The following ABCB1 variants were observed in gnomAD, a reference collection of about 807,000 sequenced individuals.
The protein encoded by ABCB1 is ATP binding cassette subfamily B member 1.
ABCB1 carries 69 observed loss-of-function variants against 142.0 expected under a neutral mutation model. That is an observed-to-expected ratio of 0.49 (90% CI 0.40 to 0.59). The LOEUF (loss-of-function observed/expected upper bound fraction) is 0.59, where lower values mean the gene tolerates loss of function less well. Among genes scored for constraint, ABCB1 ranks in the 20% least tolerant of loss-of-function variants. The pLI is 0.00. For synonymous variants in ABCB1, 532 were observed against 539.2 expected (o/e 0.99, Z 0.18); for missense variants, 1,326 against 1,554.7 (o/e 0.85, Z 2.47).
Position 87,566,253 on chromosome 7 carries a change from G to A in ABCB1, c.531-12C>T. ...TCTTGGAGACATCACTGAAAGAACA[G>A]ATAGTGTTAGAAATAATTGTCAGAA... On this transcript the variant is annotated splice_polypyrimidine_tract_variant and intron_variant, in intron 6 of 27. Transcript: ENST00000622132. 1 of 1,612,594 alleles carries A rather than the reference G, an allele frequency of 6.2e-7. No individual in the cohort carries two copies. Among genetic ancestry groups the A allele is most frequent in the Non-Finnish European group, 8.5e-7 (1 of 1,178,678 alleles).
intron 1 of ABCB1, among the ~76,000 whole-genome samples, chr7:87,673,407 T>C (rs187933433): frequency 1.3e-5 from 2 of 152,338 alleles, no homozygotes; most frequent in East Asian, 3.9e-4. Context: ...TCAGAGGTTT[T>C]GTTTATTCCT....
chr7:87,559,043 A>G (rs916928691), intron 8 of ABCB1, among the ~76,000 whole-genome samples: 2 of 151,946 alleles, frequency 1.3e-5, no homozygotes, highest in East Asian at 1.9e-4. Context: ...CCTTTCTCAT[A>G]TTATATCTGC....
In ABCB1 at chr7:87,521,488, C is replaced by T. The variant is rs1815506679; in HGVS notation, c.2686-612G>A. ...GTCTAAGTCAGAGTCTCCTAATGAG[C>T]CCAAACAGCTGAGGAAATTCTTCAT... On this transcript the variant is annotated intron_variant, in intron 21 of 27. Transcript: ENST00000622132. The T allele has an allele frequency of 4.0e-6, 3 of 743,738 alleles. No individual in the cohort carries two copies. In the Admixed American group the frequency reaches 5.3e-5, roughly 13 times the overall value. The allele number at this position is 743,738 out of a possible 1,614,324, so 46.1% of individuals were successfully genotyped here. A position where few individuals can be genotyped will look rare whatever the true frequency, so the allele number is the denominator to read the frequency against.
At position 87,641,095 on chromosome 7, in the gene ABCB1, T is replaced by G. The variant is rs529690365; in HGVS notation, c.-330-40017A>C. On this transcript the variant is annotated intron_variant, in intron 1 of 28. Transcript: ENST00000265724. ...ATCTTTTGTCACATCTAGAATGTTA[T>G]TGAATGCCACACAATGTTTATTAAG... Among the ~76,000 whole-genome samples the G allele has an allele frequency of 2.0e-5, 3 of 152,338 alleles. No homozygotes were observed. In the South Asian group the frequency reaches 6.2e-4, roughly 32 times the overall value.
At chr7:87,654,706 C>T (rs1280170151) in intron 1 of ABCB1, among the ~76,000 whole-genome samples, 1 of 151,898 alleles carries the variant, frequency 6.6e-6, no homozygotes. Context: ...GCACAGGCAA[C>T]TAAAGGAAAA....
chr7:87,692,773 T>G (rs1050792626), intron 1 of ABCB1, among the ~76,000 whole-genome samples: 3 of 152,250 alleles, frequency 2.0e-5, no homozygotes, highest in African/African-American at 7.2e-5. Flanking sequence ...TTACATTCAA[T>G]GTTGAGAAAT....
chr7:87,711,446 C>T (rs533668967), intron 1 of ABCB1, among the ~76,000 whole-genome samples: 30 of 152,080 alleles, frequency 2.0e-4, no homozygotes, highest in Admixed American at 5.9e-4. Context: ...ATAAAGATGA[C>T]ATCCTGTGCC....
chr7:87,633,779 A>G (rs140163338), intron 1 of ABCB1, among the ~76,000 whole-genome samples: 12 of 152,244 alleles, frequency 7.9e-5, no homozygotes, highest in African/African-American at 2.2e-4. Flanking sequence ...TGTCTAGTCT[A>G]TGCTTGAACT....
At chr7:87,542,172 C>T (rs1816568383) in intron 17 of ABCB1, among the ~76,000 whole-genome samples, 1 of 152,012 alleles carries the variant, frequency 6.6e-6, no homozygotes, top group Non-Finnish European at 1.5e-5. Flanking sequence ...CAACTTTATC[C>T]TTCATAAAAA....
chr7:87,710,541 T>A (rs1305732104), intron 1 of ABCB1: 3 of 1,357,540 alleles, frequency 2.2e-6, no homozygotes, highest in Non-Finnish European at 2.0e-6. Flanking sequence ...TAATTTTTTT[T>A]ATATTTGATT....
intron 3 of ABCB1, among the ~76,000 whole-genome samples, chr7:87,588,619 T>A (rs749428164): frequency 3.3e-5 from 5 of 152,244 alleles, no homozygotes; most frequent in Non-Finnish European, 7.3e-5. Flanking sequence ...TCTTTGCTAT[T>A]GTGAATAGTG....
chr7:87,618,269 C>A (rs1260299699), intron 1 of ABCB1, among the ~76,000 whole-genome samples: 1 of 152,106 alleles, frequency 6.6e-6, no homozygotes, highest in Non-Finnish European at 1.5e-5. Context: ...GGTTTTGATA[C>A]CTCTCTCTCC....
chr7:87,585,479 T>G (rs1490796329), intron 4 of ABCB1, 33 bp downstream of exon 4: 11 of 1,610,200 alleles, frequency 6.8e-6, no homozygotes, highest in Non-Finnish European at 8.5e-6. Flanking sequence ...TGCTGCAAGT[T>G]TCCAATAAAA....
chr7:87,644,819 AAAT>A (rs1219406106), intron 1 of ABCB1, among the ~76,000 whole-genome samples: 1 of 151,980 alleles, frequency 6.6e-6, no homozygotes, highest in African/African-American at 2.4e-5. Context: ...TTCACTATAA[AAAT>A]AATTTCTAAT....
At chr7:87,693,763 T>G (rs1017397462) in intron 1 of ABCB1, 2 of 656,938 alleles carry the variant, frequency 3.0e-6, no homozygotes, top group South Asian at 2.0e-5. Flanking sequence ...TTAACAGAGT[T>G]CATTTATTTA....
chr7:87,591,150 T>C (rs1288042595), intron 3 of ABCB1, among the ~76,000 whole-genome samples: 1 of 151,970 alleles, frequency 6.6e-6, no homozygotes, highest in Admixed American at 6.6e-5. Flanking sequence ...GGAGATGTGA[T>C]GATTGAAGTA....
chr7:87,508,697 G>A (rs1322181865), intron 26 of ABCB1, among the ~76,000 whole-genome samples: 2 of 152,112 alleles, frequency 1.3e-5, no homozygotes. Context: ...TCACTTTAAT[G>A]GTTCAACCCT....
At chr7:87,561,479 T>C in intron 7 of ABCB1, 92 bp from the exon 8 acceptor site, 1 of 1,294,874 alleles carries the variant, frequency 7.7e-7, no homozygotes, top group Non-Finnish European at 1.1e-6. Context: ...ATGCTGCTTA[T>C]ACATTAATGC....
In ABCB1 at chr7:87,700,899, C is replaced by T. The variant is rs546043275; in HGVS notation, c.-331+12262G>A. On this transcript the variant is annotated intron_variant, in intron 1 of 28. Coordinates refer to the ABCB1 transcript ENST00000265724. Reference sequence around the variant, plus strand: ...GGATAAAACTGTTGGAACCTTAGCACGAATTAATGCAGTGACATCAAACTG... The same window carrying T: ...GGATAAAACTGTTGGAACCTTAGCATGAATTAATGCAGTGACATCAAACTG... Among the ~76,000 whole-genome samples, 10 of 152,306 alleles carry T rather than the reference C, an allele frequency of 6.6e-5. No individual in the cohort carries two copies. The South Asian group carries it at 1.9e-3, about 28-fold the overall frequency.
Sources: allele counts gnomAD v4.1 joint callset (sites outside exome capture counted in the v4.1 genomes callset), GRCh38; gene constraint gnomAD v4.1.1; transcripts MANE v1.5; gene names NCBI Gene and HGNC (gene_info 2026-07-23, HGNC 2026-07-21).